Variants in ZNF804B observed in about 807,000 individuals in gnomAD.
ZNF804B encodes zinc finger 804B.
A neutral mutation model predicts 101.4 loss-of-function variants in ZNF804B; 80 were observed. The ratio of observed to expected loss-of-function variants is 0.79; its 90% confidence interval spans 0.66 to 0.95. The LOEUF is 0.95. Among genes scored for constraint, ZNF804B ranks in the 40% least tolerant of loss-of-function variants. ZNF804B has a pLI of 0.00. For missense variants in ZNF804B, 1,673 were observed against 1,561.9 expected (o/e 1.07, Z -1.20); for synonymous variants, 622 against 558.8 (o/e 1.11, Z -1.59).
intron 1 of ZNF804B, among the ~76,000 whole-genome samples, chr7:88,827,705 C>T (rs1205345284): frequency 6.6e-6 from 1 of 152,070 alleles, no homozygotes; most frequent in Non-Finnish European, 1.5e-5. Context: ...TCCCTCCACT[C>T]TGAAAACCAC....
intron 1 of ZNF804B, among the ~76,000 whole-genome samples, chr7:89,017,262 T>C (rs1023056909): frequency 1.3e-5 from 2 of 152,208 alleles, no homozygotes; most frequent in African/African-American, 4.8e-5. Context: ...TTTCTAGATA[T>C]ACAGTCATGT....
intron 1 of ZNF804B, among the ~76,000 whole-genome samples, chr7:88,994,097 A>G (rs1354083915): frequency 1.3e-5 from 2 of 152,010 alleles, no homozygotes; most frequent in South Asian, 2.1e-4. Flanking sequence ...TACATTTTAT[A>G]ATAAATATTA....
chr7:89,081,163 T>C (rs1205687059), intron 1 of ZNF804B, among the ~76,000 whole-genome samples: 2 of 151,760 alleles, frequency 1.3e-5, no homozygotes, highest in African/African-American at 4.8e-5. Flanking sequence ...AGAAAAAAAG[T>C]CAGCCTTCTT....
intron 2 of ZNF804B, among the ~76,000 whole-genome samples, chr7:89,274,876 C>T (rs1321868576): frequency 6.6e-6 from 1 of 151,868 alleles, no homozygotes; most frequent in Non-Finnish European, 1.5e-5. Flanking sequence ...CATCTCCCAT[C>T]CTCCAAATAT....
intron 1 of ZNF804B, among the ~76,000 whole-genome samples, chr7:88,795,441 T>C (rs1342589350): frequency 6.6e-6 from 1 of 152,174 alleles, no homozygotes; most frequent in East Asian, 1.9e-4. Flanking sequence ...CCTTGAATAA[T>C]AACAGTAAAC....
chr7:89,104,230 G>A (rs75970551), intron 1 of ZNF804B, among the ~76,000 whole-genome samples: 1,724 of 151,922 alleles, frequency 0.011, 27 homozygotes, highest in African/African-American at 0.039. Context: ...TTTACTATTA[G>A]GGTTATACTG....
chr7:89,336,678 T>C lies in ZNF804B; in HGVS notation c.3696T>C (p.Ile1232=). The C allele has an allele frequency of 6.2e-7, 1 of 1,614,098 alleles. No individual in the cohort carries two copies. The highest frequency in any genetic ancestry group is 8.5e-7 in the Non-Finnish European group (1 of 1,180,016). ...GTTCTCATAGCAGTCACCTCCCTAT[T>C]GCTCATCTACATCCTCTTTCACAGG... is the stretch of plus-strand genomic sequence containing the variant. The part of the protein sequence containing the change: ...SLSSHSSHLP[I]AHLHPLSQAH... Residue 1232 remains isoleucine (I), a synonymous_variant, in exon 4 of 4, where the codon ATT becomes ATC. Coordinates refer to ENST00000333190, the MANE Select transcript of ZNF804B (RefSeq NM_181646.5).
intron 1 of ZNF804B, among the ~76,000 whole-genome samples, chr7:88,804,738 G>A (rs1473761091): frequency 2.6e-5 from 4 of 151,924 alleles, no homozygotes; most frequent in South Asian, 2.1e-4. Flanking sequence ...ATGTGTTATC[G>A]ATAAGCTAAT....
intron 2 of ZNF804B, among the ~76,000 whole-genome samples, chr7:89,232,327 TTGA>T (rs1457479032): frequency 6.6e-6 from 1 of 152,152 alleles, no homozygotes; most frequent in Admixed American, 6.5e-5. Context: ...GGATTTAAAA[TTGA>T]TGATGATTTG....
intron 1 of ZNF804B, among the ~76,000 whole-genome samples, chr7:88,911,392 C>T (rs1298178765): frequency 6.7e-6 from 1 of 149,686 alleles, no homozygotes; most frequent in Non-Finnish European, 1.5e-5. Flanking sequence ...CTCTAAGGCC[C>T]AGTACAAATG....
intron 1 of ZNF804B, among the ~76,000 whole-genome samples, chr7:88,933,453 AG>A (rs1475955081): frequency 6.6e-6 from 1 of 152,000 alleles, no homozygotes; most frequent in Non-Finnish European, 1.5e-5. Flanking sequence ...ATCAAACAAG[AG>A]AAAGAAACAA....
chr7:89,155,007 T>C (rs1052540196), intron 1 of ZNF804B, among the ~76,000 whole-genome samples: 6 of 152,042 alleles, frequency 3.9e-5, no homozygotes, highest in East Asian at 1.9e-4. Context: ...TGTGATATGC[T>C]CCATCAATGT....
chr7:88,846,951 C>A (rs1791382349), intron 1 of ZNF804B, among the ~76,000 whole-genome samples: 2 of 151,726 alleles, frequency 1.3e-5, no homozygotes. Flanking sequence ...CACACACACA[C>A]ACACACTAAC....
chr7:88,886,066 T>C (rs1229649484), intron 1 of ZNF804B, among the ~76,000 whole-genome samples: 2 of 152,118 alleles, frequency 1.3e-5, no homozygotes, highest in Non-Finnish European at 2.9e-5. Context: ...ATATCTTACA[T>C]TTCACCATAA....
chr7:89,087,757 A>G (rs1316581158), intron 1 of ZNF804B, among the ~76,000 whole-genome samples: 3 of 151,746 alleles, frequency 2.0e-5, no homozygotes, highest in African/African-American at 7.3e-5. Flanking sequence ...TCTACTTTCT[A>G]CTTTCTTTCT....
chr7:89,192,866 T>C (rs116092805), intron 1 of ZNF804B, among the ~76,000 whole-genome samples: 166 of 152,190 alleles, frequency 1.1e-3, no homozygotes, highest in African/African-American at 3.9e-3. Context: ...TAAATAAACA[T>C]GATTAATCAC....
At chr7:89,245,950 T>G (rs1789438841) in intron 2 of ZNF804B, among the ~76,000 whole-genome samples, 1 of 152,124 alleles carries the variant, frequency 6.6e-6, no homozygotes, top group South Asian at 2.1e-4. Flanking sequence ...TGGAGCTAAC[T>G]TGGGGAGAGG....
At chr7:88,865,018 CAG>C (rs1791705071) in intron 1 of ZNF804B, among the ~76,000 whole-genome samples, 1 of 151,770 alleles carries the variant, frequency 6.6e-6, no homozygotes, top group Non-Finnish European at 1.5e-5. Context: ...CACCTGAGGT[CAG>C]GAGTTCAAGG....
chr7:88,802,111 C>G (rs1394013361), intron 1 of ZNF804B, among the ~76,000 whole-genome samples: 1 of 151,980 alleles, frequency 6.6e-6, no homozygotes, highest in African/African-American at 2.4e-5. Flanking sequence ...GTGCTCGCTC[C>G]CTCCCGCCTC....
Sources: allele counts gnomAD v4.1 joint callset (sites outside exome capture counted in the v4.1 genomes callset), GRCh38; gene constraint gnomAD v4.1.1; transcripts MANE v1.5; gene names NCBI Gene and HGNC (gene_info 2026-07-23, HGNC 2026-07-21).